Variants in WASHC4 observed in about 807,000 individuals in gnomAD.
The protein encoded by WASHC4 is WASH complex subunit 4.
Under a neutral mutation model 166.6 loss-of-function variants are expected in WASHC4, and 86 were observed. That is an observed-to-expected ratio of 0.52 (90% CI 0.43 to 0.62). The LOEUF (loss-of-function observed/expected upper bound fraction) is 0.62, where lower values mean the gene tolerates loss of function less well. WASHC4 is among the 20% of genes least tolerant of loss of function. The pLI is 0.00. For missense variants in WASHC4, 1,262 were observed against 1,382.4 expected, an observed-to-expected ratio of 0.91 and a Z score of 1.38; for synonymous variants, 446 against 451.6, an observed-to-expected ratio of 0.99 and a Z score of 0.16.
intron 13 of WASHC4, among the ~76,000 whole-genome samples, chr12:105,132,235 C>T (rs979707148): frequency 3.3e-5 from 5 of 152,236 alleles, no homozygotes; most frequent in Admixed American, 6.5e-5. Flanking sequence ...GTGGCGTGAT[C>T]TTAGCTCACT....
At chr12:105,118,779 A>G (rs1217258282) in intron 7 of WASHC4, among the ~76,000 whole-genome samples, 3 of 152,254 alleles carry the variant, frequency 2.0e-5, no homozygotes, top group African/African-American at 7.2e-5. Flanking sequence ...CATATAGAAG[A>G]AGGCTAACAT....
At chr12:105,112,857 C>A (rs890015177) in intron 2 of WASHC4, among the ~76,000 whole-genome samples, 1 of 152,074 alleles carries the variant, frequency 6.6e-6, no homozygotes, top group Non-Finnish European at 1.5e-5. Flanking sequence ...AAAACTAAGG[C>A]ATAGAAAAGT....
intron 30 of WASHC4, 69 bp from the exon 31 acceptor site, chr12:105,164,042 T>A: frequency 1.3e-5 from 18 of 1,336,296 alleles, no homozygotes; most frequent in Non-Finnish European, 1.9e-5. Flanking sequence ...TTGGGAATTA[T>A]TGGTGAAGGA....
Position 105,126,318 on chromosome 12 carries a change from A to G in WASHC4, c.994A>G (p.Ile332Val), listed in dbSNP as rs553492952. 7.6e-5 allele frequency: 122 copies of G among 1,600,944 alleles called. No individual in the cohort carries two copies. Among genetic ancestry groups the G allele is most frequent in the Non-Finnish European group, 1.0e-4 (119 of 1,169,026 alleles). ...ATTGCACTTTCAGATTTTTCGAACT[A>G]TTGATAAAAAGTTTTATAAGTCTTT... The part of the protein sequence containing the change: ...FVLHFQIFRT[I>V]DKKFYKSLLD... The change falls in exon 12 of 33, where the codon ATT becomes GTT. Residue 332 changes from isoleucine to valine, a missense_variant. Ile to Val is a conservative substitution (Grantham distance 29, BLOSUM62 3). Coordinates refer to ENST00000332180, the MANE Select transcript of WASHC4 (RefSeq NM_015275.3).
intron 15 of WASHC4, among the ~76,000 whole-genome samples, chr12:105,139,201 C>G (rs1452985560): frequency 6.6e-6 from 1 of 151,698 alleles, no homozygotes; most frequent in African/African-American, 2.4e-5. Context: ...AGTAGCACAT[C>G]TATTTTCATT....
intron 7 of WASHC4, among the ~76,000 whole-genome samples, chr12:105,120,043 G>A (rs373895622): frequency 6.6e-6 from 1 of 152,070 alleles, no homozygotes; most frequent in Non-Finnish European, 1.5e-5. Flanking sequence ...ACCTGCCTGG[G>A]CAATATAGCG....
rs182775358 is a variant in WASHC4 at position 105,125,525 on chromosome 12, T to C, written c.787-479T>C. 2.6e-5 allele frequency among the ~76,000 whole-genome samples: 4 copies of C among 152,300 alleles called. No individual in the cohort carries two copies. In the East Asian group the frequency reaches 5.8e-4, roughly 22 times the overall value. ...GAGGGTCAGTGTCCCTAACTTTATG[T>C]TTAAGCGTCAACTATATATCAATTT... On this transcript the variant is annotated intron_variant, in intron 10 of 32. Transcript: ENST00000332180.
chr12:105,162,870 C>T (rs368718731), intron 30 of WASHC4, 25 bp downstream of exon 30: 9 of 1,261,372 alleles, frequency 7.1e-6, no homozygotes, highest in Non-Finnish European at 1.0e-5. Context: ...ATTGTTTTTC[C>T]ATTAATTTTA....
At chr12:105,127,008 A>AT (rs1362642179) in intron 12 of WASHC4, 121 bp from the exon 13 acceptor site, 9 of 813,410 alleles carry the variant, frequency 1.1e-5, no homozygotes, top group African/African-American at 8.7e-5. Context: ...ATTAATAAGT[A>AT]TTTTTTGTGG....
At chr12:105,120,789 G>C (rs531034415) in intron 8 of WASHC4, among the ~76,000 whole-genome samples, 192 bp downstream of exon 8, 3 of 152,226 alleles carry the variant, frequency 2.0e-5, no homozygotes, top group Admixed American at 2.0e-4. Flanking sequence ...ACCATTATCA[G>C]TGTAACTTAG....
chr12:105,163,454 G>T (rs1884626243), intron 30 of WASHC4, among the ~76,000 whole-genome samples: 1 of 152,022 alleles, frequency 6.6e-6, no homozygotes, highest in South Asian at 2.1e-4. Flanking sequence ...TAGTTTCTCT[G>T]GTTTCCTTGT....
At chr12:105,149,534 G>A (rs1883567667) in intron 24 of WASHC4, 81 bp from the exon 25 acceptor site, 1 of 1,092,848 alleles carries the variant, frequency 9.2e-7, no homozygotes, top group Non-Finnish European at 1.3e-6. Context: ...AGATAACTGT[G>A]ATACAGTAAA....
intron 22 of WASHC4, 138 bp from the exon 23 acceptor site, chr12:105,146,314 C>T: frequency 4.9e-6 from 3 of 608,246 alleles, no homozygotes; most frequent in Non-Finnish European, 5.8e-6. Flanking sequence ...AACGTTTGAT[C>T]GTACCTTTTA....
At chr12:105,140,452 T>G (rs1200529459) in intron 16 of WASHC4, 51 bp downstream of exon 16, 1 of 1,322,846 alleles carries the variant, frequency 7.6e-7, no homozygotes, top group African/African-American at 1.4e-5. Flanking sequence ...TTTTTGTTTG[T>G]TCTTTCATTG....
Position 105,146,536 on chromosome 12 carries a change from G to T in WASHC4, c.2409+10G>T, listed in dbSNP as rs1370163172. The T allele has an allele frequency of 1.9e-6, 3 of 1,542,210 alleles. No homozygotes were observed. The highest frequency in any genetic ancestry group is 1.4e-5 in the African/African-American group (1 of 72,218). ...TAATCTCAACAATCAGGTGAGTAGG[G>T]TTTATAAATTTTTTTTTTTTAATGT... On this transcript the variant is annotated intron_variant, in intron 23 of 32. Transcript: ENST00000332180.
chr12:105,149,289 C>T (rs1592904323), intron 24 of WASHC4: 1 of 985,366 alleles, frequency 1.0e-6, no homozygotes, highest in Non-Finnish European at 1.2e-6. Flanking sequence ...TCTCACTGGA[C>T]CATGGCTTAA....
At chr12:105,147,776 G>A in intron 24 of WASHC4, 1 of 365,624 alleles carries the variant, frequency 2.7e-6, no homozygotes, top group Non-Finnish European at 3.8e-6. Flanking sequence ...GTGGTGGCGG[G>A]CGCCTGTAAT....
At chr12:105,130,709 G>GC (rs5800651) in intron 13 of WASHC4, among the ~76,000 whole-genome samples, 76,234 of 151,892 alleles carry the variant, frequency 0.5, 19,313 homozygotes, top group Middle Eastern at 0.68. Context: ...CAGTATTCCT[G>GC]CCCCCATACT....
rs1196475825 is a variant in WASHC4 at position 105,149,742 on chromosome 12, A to C, written c.2642A>C (p.Asp881Ala). ...TTCAGGGAAATTAAGGACCAAAATG[A>C]TCATAAGGTAGGCTACCTATTCTTT... The part of the protein sequence containing the change: ...RFFREIKDQN[D>A]HKYPFDRAEK... Residue 881 changes from aspartate to alanine, a missense_variant, in exon 25 of 33, where the codon GAT becomes GCT. Coordinates refer to ENST00000332180, the MANE Select transcript of WASHC4 (RefSeq NM_015275.3). 6.3e-7 allele frequency: 1 copy of C among 1,595,622 alleles called. No homozygotes were observed. Among genetic ancestry groups the C allele is most frequent in the South Asian group, 1.1e-5 (1 of 89,516 alleles).
Sources: allele counts gnomAD v4.1 joint callset (sites outside exome capture counted in the v4.1 genomes callset), GRCh38; gene constraint gnomAD v4.1.1; transcripts MANE v1.5; gene names NCBI Gene and HGNC (gene_info 2026-07-23, HGNC 2026-07-21).